SEZ6L: variants seen among roughly 807,000 people sequenced by gnomAD.
SEZ6L encodes seizure 6-like protein.
Under a neutral mutation model 106.2 loss-of-function variants are expected in SEZ6L, and 37 were observed. The observed-to-expected ratio is 0.35, with a 90% CI of 0.27 to 0.46. SEZ6L has a LOEUF of 0.46. SEZ6L is among the 20% of genes least tolerant of loss of function. SEZ6L has a pLI of 1.00. For missense variants in SEZ6L, 1,172 were observed against 1,332.8 expected (o/e 0.88, Z 1.88); for synonymous variants, 541 against 570.4 (o/e 0.95, Z 0.73).
At chr22:26,338,867 C>T (rs13055898) in intron 9 of SEZ6L, among the ~76,000 whole-genome samples, 39,479 of 86,858 alleles carry the variant, frequency 0.45, 9,937 homozygotes, top group Non-Finnish European at 0.48. Flanking sequence ...TTTTTTTTTT[C>T]TTTTTTTTTT....
At chr22:26,316,126 T>C (rs1465471582) in intron 9 of SEZ6L, among the ~76,000 whole-genome samples, 2 of 152,226 alleles carry the variant, frequency 1.3e-5, no homozygotes, top group East Asian at 3.8e-4. Context: ...CTCTGACTTC[T>C]AGAGTCTGGA....
At position 26,311,917 on chromosome 22, in the gene SEZ6L, A is replaced by G; in HGVS notation, c.1831A>G (p.Asn611Asp). 6.2e-7 allele frequency: 1 copy of G among 1,613,916 alleles called. No homozygotes were observed. Among genetic ancestry groups the G allele is most frequent in the Non-Finnish European group, 8.5e-7 (1 of 1,179,978 alleles). The change falls in exon 8 of 17, where the codon AAT (asparagine) becomes GAT (aspartate). Residue 611 changes from asparagine to aspartate, a missense_variant. Coordinates refer to ENST00000248933, the MANE Select transcript of SEZ6L (RefSeq NM_021115.5). ...EQGPAIIECI[N>D]VRDPYWNDTE... is the part of the protein sequence containing the mutation. ...GGGCCCGGCCATCATCGAATGCATC[A>G]ATGTGCGGGACCCATACTGGAATGA...
chr22:26,228,478 G>A (rs1260205809), intron 1 of SEZ6L, among the ~76,000 whole-genome samples: 1 of 152,160 alleles, frequency 6.6e-6, no homozygotes, highest in Non-Finnish European at 1.5e-5. Context: ...TGGAAACCAT[G>A]TATACACCAG....
At chr22:26,281,402 T>A (rs2080763211) in intron 1 of SEZ6L, among the ~76,000 whole-genome samples, 1 of 141,086 alleles carries the variant, frequency 7.1e-6, no homozygotes. Flanking sequence ...TGAGACGGAG[T>A]CTCACTCTGC....
intron 12 of SEZ6L, among the ~76,000 whole-genome samples, chr22:26,361,414 G>A (rs2083623084): frequency 6.6e-6 from 1 of 150,408 alleles, no homozygotes; most frequent in African/African-American, 2.4e-5. Flanking sequence ...GGCTGAGGCA[G>A]GAAAATCGCT....
intron 1 of SEZ6L, among the ~76,000 whole-genome samples, chr22:26,224,435 A>T (rs2078576293): frequency 6.6e-6 from 1 of 152,176 alleles, no homozygotes; most frequent in African/African-American, 2.4e-5. Flanking sequence ...ACAGACACAG[A>T]TCATCTAGTG....
chr22:26,356,737 A>G (rs1346877164), intron 12 of SEZ6L, among the ~76,000 whole-genome samples: 1 of 151,822 alleles, frequency 6.6e-6, no homozygotes, highest in Non-Finnish European at 1.5e-5. Flanking sequence ...TGGGCTGTGC[A>G]AATCTTCTTA....
At chr22:26,311,597 A>C (rs2081833126) in intron 7 of SEZ6L, among the ~76,000 whole-genome samples, 171 bp from the exon 8 acceptor site, 1 of 152,194 alleles carries the variant, frequency 6.6e-6, no homozygotes, top group African/African-American at 2.4e-5. Context: ...CAAGGAGTCA[A>C]CTGGGTGGCC....
intron 1 of SEZ6L, among the ~76,000 whole-genome samples, chr22:26,229,773 G>C (rs2145742253): frequency 6.6e-6 from 1 of 152,322 alleles, no homozygotes; most frequent in South Asian, 2.1e-4. Flanking sequence ...ATTCAAATGT[G>C]CAGCCAGGAC....
At chr22:26,210,255 G>C (rs949295112) in intron 1 of SEZ6L, among the ~76,000 whole-genome samples, 7 of 152,134 alleles carry the variant, frequency 4.6e-5, no homozygotes, top group Admixed American at 3.9e-4. Flanking sequence ...TTGGGGGAAA[G>C]ACAAAGCAAC....
intron 1 of SEZ6L, among the ~76,000 whole-genome samples, chr22:26,181,782 T>C (rs564133540): frequency 6.6e-6 from 1 of 152,194 alleles, no homozygotes; most frequent in Non-Finnish European, 1.5e-5. Flanking sequence ...ACAGTATATG[T>C]AATATATAAT....
chr22:26,236,659 C>A (rs1027452049), intron 1 of SEZ6L, among the ~76,000 whole-genome samples: 1 of 152,262 alleles, frequency 6.6e-6, no homozygotes, highest in South Asian at 2.1e-4. Context: ...GAGTGATGGG[C>A]AGGGAGAGGA....
chr22:26,178,525 G>C (rs1412132939), intron 1 of SEZ6L, among the ~76,000 whole-genome samples: 1 of 152,166 alleles, frequency 6.6e-6, no homozygotes, highest in Non-Finnish European at 1.5e-5. Context: ...TTTGGGGCTG[G>C]AGATTAGAAC....
intron 1 of SEZ6L, among the ~76,000 whole-genome samples, chr22:26,194,685 C>A (rs1001576985): frequency 2.6e-5 from 4 of 152,168 alleles, no homozygotes; most frequent in Non-Finnish European, 4.4e-5. Context: ...CAAGAGCTTG[C>A]ACTCTGGACT....
chr22:26,273,520 C>G (rs1034162850), intron 1 of SEZ6L, among the ~76,000 whole-genome samples: 2 of 152,268 alleles, frequency 1.3e-5, no homozygotes, highest in Admixed American at 1.3e-4. Context: ...GCTGCGAGAG[C>G]TCGTTAGGCT....
At chr22:26,277,433 G>A (rs12158079) in intron 1 of SEZ6L, among the ~76,000 whole-genome samples, 13,484 of 152,228 alleles carry the variant, frequency 0.089, 768 homozygotes, top group Middle Eastern at 0.15. Flanking sequence ...CCATCTGTAC[G>A]ACCGTGGCAT....
At chr22:26,273,035 G>A (rs1451280251) in intron 1 of SEZ6L, among the ~76,000 whole-genome samples, 1 of 152,228 alleles carries the variant, frequency 6.6e-6, no homozygotes, top group Non-Finnish European at 1.5e-5. Context: ...AAAAGTGGTA[G>A]CCATGGTTGT....
chr22:26,369,816 C>G (rs2083963725), intron 13 of SEZ6L, among the ~76,000 whole-genome samples: 1 of 151,810 alleles, frequency 6.6e-6, no homozygotes, highest in South Asian at 2.1e-4. Flanking sequence ...GGAGTTTTGT[C>G]ATTTTGCCCA....
At chr22:26,289,451 CT>C (rs1156251164) in intron 1 of SEZ6L, among the ~76,000 whole-genome samples, 1 of 152,214 alleles carries the variant, frequency 6.6e-6, no homozygotes, top group Non-Finnish European at 1.5e-5. Flanking sequence ...GGTTCAAGGA[CT>C]TGCCCAGACT....
Sources: gnomAD v4.1 joint callset for allele counts (sites outside exome capture counted in the v4.1 genomes callset) on GRCh38, gnomAD v4.1.1 for gene constraint, MANE v1.5 for transcripts, NCBI Gene and HGNC (gene_info 2026-07-23, HGNC 2026-07-21) for gene names.